RAB3GAP1: variants seen among roughly 807,000 people sequenced by gnomAD.
RAB3GAP1 encodes RAB3 GTPase activating protein catalytic subunit 1, also known as rab3 GTPase-activating protein catalytic subunit.
In RAB3GAP1, 86 loss-of-function variants were observed where a neutral mutation model predicts 130.7. That is an observed-to-expected ratio of 0.66 (90% CI 0.55 to 0.79). The LOEUF is 0.79. RAB3GAP1 is among the 30% of genes least tolerant of loss of function. The pLI, the probability that RAB3GAP1 is intolerant of heterozygous loss-of-function variation, is 0.00. For missense variants in RAB3GAP1, 1,029 were observed against 1,169.4 expected (o/e 0.88, Z 1.75); for synonymous variants, 367 against 401.7 (o/e 0.91, Z 1.03).
At chr2:135,070,303 GCTT>G (rs1205161562) in intron 3 of RAB3GAP1, among the ~76,000 whole-genome samples, 1 of 152,178 alleles carries the variant, frequency 6.6e-6, no homozygotes, top group Non-Finnish European at 1.5e-5. Context: ...TTTTGCCTCA[GCTT>G]CTTCTTTTAG....
At chr2:135,097,656 C>T (rs1690339176) in intron 5 of RAB3GAP1, among the ~76,000 whole-genome samples, 1 of 152,160 alleles carries the variant, frequency 6.6e-6, no homozygotes, top group Admixed American at 6.5e-5. Flanking sequence ...CCATTGGTGA[C>T]TGGCTTTTAA....
rs140907531 is a variant in RAB3GAP1, at chr2:135,144,457, G to C, written c.1924-5912G>C. ...ACCACTCAAAGGGGGGCATGACAAT[G>C]TATAAAACCAAGTAGGGAAGGATAG... is the stretch of plus-strand genomic sequence containing the variant. On this transcript the variant is annotated intron_variant, in intron 17 of 23. Coordinates refer to ENST00000264158, the MANE Select transcript of RAB3GAP1 (RefSeq NM_012233.3). Among the ~76,000 whole-genome samples, 18 of 152,328 alleles carry C rather than the reference G, an allele frequency of 1.2e-4. No individual in the cohort carries two copies. In the East Asian group the frequency reaches 3.5e-3, roughly 29 times the overall value.
chr2:135,097,803 T>G (rs1399232415), intron 5 of RAB3GAP1, among the ~76,000 whole-genome samples: 1 of 152,228 alleles, frequency 6.6e-6, no homozygotes, highest in African/African-American at 2.4e-5. Context: ...TTATTAGGAT[T>G]GTTTTTAGGT....
chr2:135,119,259 C>G (rs1378003116), intron 7 of RAB3GAP1, among the ~76,000 whole-genome samples: 1 of 152,058 alleles, frequency 6.6e-6, no homozygotes, highest in Admixed American at 6.6e-5. Context: ...CAGGCGCGCA[C>G]CACTACTGCC....
intron 5 of RAB3GAP1, among the ~76,000 whole-genome samples, chr2:135,104,302 T>G (rs966612644): frequency 6.6e-6 from 1 of 152,094 alleles, no homozygotes; most frequent in South Asian, 2.1e-4. Context: ...AAACAGAATA[T>G]GGTCTTGCTA....
intron 9 of RAB3GAP1, among the ~76,000 whole-genome samples, chr2:135,124,846 A>G (rs1691307845): frequency 6.6e-6 from 1 of 152,218 alleles, no homozygotes; most frequent in Admixed American, 6.5e-5. Flanking sequence ...AGGTTATGAA[A>G]GAAAAAAAAT....
At chr2:135,146,042 G>A (rs1365368780) in intron 17 of RAB3GAP1, among the ~76,000 whole-genome samples, 1 of 151,912 alleles carries the variant, frequency 6.6e-6, no homozygotes, top group Non-Finnish European at 1.5e-5. Context: ...TAATTTACTA[G>A]CTTTGGTTTT....
At chr2:135,124,069 A>G in intron 8 of RAB3GAP1, 96 bp from the exon 9 acceptor site, 1 of 1,182,050 alleles carries the variant, frequency 8.5e-7, no homozygotes, top group East Asian at 2.4e-5. Context: ...GTTCTCTTGC[A>G]GACACTTTTA....
intron 5 of RAB3GAP1, among the ~76,000 whole-genome samples, chr2:135,108,106 A>G (rs948971997): frequency 6.6e-6 from 1 of 151,338 alleles, no homozygotes; most frequent in Non-Finnish European, 1.5e-5. Flanking sequence ...TTTGATCTTT[A>G]TTGGTACAGG....
At position 135,135,798 on chromosome 2, in the gene RAB3GAP1, G is replaced by C; in HGVS notation, c.1789G>C (p.Gly597Arg). The change falls in exon 17 of 24, where the codon GGA becomes CGA. Residue 597 changes from glycine to arginine, a missense_variant. Gly to Arg is a moderately radical substitution (Grantham distance 125). This residue lies in a region of RAB3GAP1 where 373 missense variants were observed against 493.6 expected (regional missense o/e 0.76). Transcript: ENST00000264158. ...CCTAAGTGATACTGAAGAACTTAAA[G>C]GAAATGGACAAGAGAGTGGCAAGAA... ...ECLSDTEELK[G>R]NGQESGKKGG... The C allele has an allele frequency of 6.2e-7, 1 of 1,614,164 alleles. No homozygotes were observed. Among genetic ancestry groups the C allele is most frequent in the Non-Finnish European group, 8.5e-7 (1 of 1,180,020 alleles).
chr2:135,113,747 T>G (rs1346080767), intron 6 of RAB3GAP1, among the ~76,000 whole-genome samples: 1 of 152,138 alleles, frequency 6.6e-6, no homozygotes, highest in African/African-American at 2.4e-5. Context: ...ATAAAATTTT[T>G]TTTTTTTTTC....
rs1037572348 is a variant in RAB3GAP1, at chr2:135,136,075, C to T, written c.1923+143C>T. The T allele has an allele frequency of 8.8e-6, 10 of 1,142,642 alleles. 1 individual carries two copies. In the South Asian group the frequency reaches 1.3e-4, roughly 15 times the overall value. 70.8% of individuals were successfully genotyped at this position (1,142,642 alleles called of 1,614,324 possible). A position where few individuals can be genotyped will look rare whatever the true frequency, so the allele number is the denominator to read the frequency against. ...ATGCGGTGGCTTACGCCTGTAATCCCAGCACTTTGGGAGGCTGAGGTGGGC... is the reference window on the plus strand; with the variant it reads ...ATGCGGTGGCTTACGCCTGTAATCCTAGCACTTTGGGAGGCTGAGGTGGGC... On this transcript the variant is annotated intron_variant, in intron 17 of 23. Coordinates refer to ENST00000264158, the MANE Select transcript of RAB3GAP1 (RefSeq NM_012233.3).
At chr2:135,060,256 ATTTTT>A (rs60562266) in intron 3 of RAB3GAP1, among the ~76,000 whole-genome samples, 1 of 109,888 alleles carries the variant, frequency 9.1e-6, no homozygotes. Context: ...TAACTGCTTG[ATTTTT>A]TTTTTTTTTT....
chr2:135,081,414 ATGTG>A (rs1237508935), intron 3 of RAB3GAP1, among the ~76,000 whole-genome samples: 4 of 137,896 alleles, frequency 2.9e-5, no homozygotes, highest in Admixed American at 7.5e-5. Context: ...GTGTATATAT[ATGTG>A]TGTGTGTGTA....
chr2:135,105,221 TTCCCCC>T (rs1690561934), intron 5 of RAB3GAP1, among the ~76,000 whole-genome samples: 1 of 8,760 alleles, frequency 1.1e-4, no homozygotes, highest in Non-Finnish European at 2.3e-4. Flanking sequence ...CCCCTCCCCC[TTCCCCC>T]TCCCGCTCCC....
intron 7 of RAB3GAP1, among the ~76,000 whole-genome samples, chr2:135,117,978 G>T (rs973073704): frequency 6.6e-6 from 1 of 151,896 alleles, no homozygotes; most frequent in African/African-American, 2.4e-5. Flanking sequence ...TCGGCCTCCT[G>T]AATATTTGGG....
chr2:135,090,919 AAAATATCCCTGT>A, intron 3 of RAB3GAP1, 67 bp from the exon 4 acceptor site: 1 of 1,367,634 alleles, frequency 7.3e-7, no homozygotes, highest in Non-Finnish European at 1.0e-6. Context: ...GAAAAAGGGG[AAAATATCCCTGT>A]CGTTAGTAAA....
intron 5 of RAB3GAP1, among the ~76,000 whole-genome samples, chr2:135,103,033 T>G (rs1308406700): frequency 3.1e-5 from 4 of 129,152 alleles, no homozygotes; most frequent in African/African-American, 3.4e-5. Flanking sequence ...ATCATTTTTG[T>G]GATTTTTTTT....
At chr2:135,102,471 TGAACTAATACA>T (rs1207607731) in intron 5 of RAB3GAP1, among the ~76,000 whole-genome samples, 1 of 152,198 alleles carries the variant, frequency 6.6e-6, no homozygotes, top group Non-Finnish European at 1.5e-5. Context: ...AGCAGCAATA[TGAACTAATACA>T]GAAAGTAACA....
Sources: allele counts gnomAD v4.1 joint callset (sites outside exome capture counted in the v4.1 genomes callset), GRCh38; gene constraint gnomAD v4.1.1; regional missense constraint gnomAD v4.1.1; transcripts MANE v1.5; gene names NCBI Gene and HGNC (gene_info 2026-07-23, HGNC 2026-07-21).